The following TRMT5 variants were observed in gnomAD, a reference collection of about 807,000 sequenced individuals.
The protein encoded by TRMT5 is tRNA (guanine(37)-N(1))-methyltransferase.
A neutral mutation model predicts 42.2 loss-of-function variants in TRMT5; 31 were observed. The observed-to-expected ratio is 0.73, with a 90% CI of 0.55 to 0.99. The LOEUF (loss-of-function observed/expected upper bound fraction) is 0.99, where lower values mean the gene tolerates loss of function less well. Among genes scored for constraint, TRMT5 ranks in the 50% least tolerant of loss-of-function variants. TRMT5 has a pLI of 0.00. For synonymous variants in TRMT5, 198 were observed against 209.6 expected (o/e 0.94, Z 0.48); for missense variants, 568 against 595.0 (o/e 0.95, Z 0.47).
upstream of TRMT5, chr14:60,981,263 C>T: frequency 1.3e-6 from 2 of 1,588,124 alleles, no homozygotes; most frequent in Non-Finnish European, 1.7e-6. Flanking sequence ...AACTGGTAGT[C>T]AGCTGGAGAG....
Position 60,972,495 on chromosome 14 carries a change from C to T in TRMT5, c.*2614G>A, listed in dbSNP as rs1260002893. The T allele has an allele frequency of 8.5e-6, 4 of 472,700 alleles. No individual in the cohort carries two copies. The highest frequency in any genetic ancestry group is 1.7e-5 in the Non-Finnish European group (4 of 237,644). 29.3% of individuals were successfully genotyped at this position (472,700 alleles called of 1,614,324 possible). Reference sequence around the variant, plus strand: ...GGCGGCGGCGGCGGCGGGATGTGGGCACCGGGTGTGGGACGCAGCAGCGCG... The same window carrying T: ...GGCGGCGGCGGCGGCGGGATGTGGGTACCGGGTGTGGGACGCAGCAGCGCG... On this transcript the variant is annotated 3_prime_UTR_variant, in exon 5 of 5. Coordinates refer to ENST00000261249, the MANE Select transcript of TRMT5 (RefSeq NM_020810.3).
At chr14:60,977,719 G>C (rs2036865527) in intron 2 of TRMT5, 81 bp from the exon 3 acceptor site, 1 of 1,366,464 alleles carries the variant, frequency 7.3e-7, no homozygotes, top group Non-Finnish European at 9.8e-7. Context: ...AAACAGAAAT[G>C]AGTTGTATTT....
Position 60,977,651 on chromosome 14 carries a change from A to G in TRMT5, c.668-13T>C. ...ATCATAACCTGGCCTAAAAGAAAAA[A>G]TGAAAATCCATAATACTGCCTATTG... On this transcript the variant is annotated splice_polypyrimidine_tract_variant and intron_variant, in intron 2 of 4. Transcript: ENST00000261249. The G allele has an allele frequency of 6.3e-7, 1 of 1,588,032 alleles. No individual in the cohort carries two copies. Among genetic ancestry groups the G allele is most frequent in the Non-Finnish European group, 8.5e-7 (1 of 1,169,716 alleles).
chr14:60,972,303 C>T lies in TRMT5; in HGVS notation c.*2806G>A. The stretch of plus-strand genomic sequence containing the variant: ...GCCAGCATCAGCTTTTCTCTTTTTC[C>T]CTTTGGGTACCTTCTCTCCCTTCTT... On this transcript the variant is annotated 3_prime_UTR_variant, in exon 5 of 5. Coordinates refer to ENST00000261249, the MANE Select transcript of TRMT5 (RefSeq NM_020810.3). The T allele has an allele frequency of 1.9e-6, 1 of 538,064 alleles. No homozygotes were observed. The allele number at this position is 538,064 out of a possible 1,614,324, so 33.3% of individuals were successfully genotyped here.
Position 60,979,865 on chromosome 14 carries a change from T to G in TRMT5, c.33A>C (p.Gly11=), listed in dbSNP as rs1046074522. 1.9e-6 allele frequency: 3 copies of G among 1,571,498 alleles called. No individual in the cohort carries two copies. Among genetic ancestry groups the G allele is most frequent in the Non-Finnish European group, 2.6e-6 (3 of 1,162,000 alleles). The change falls in exon 2 of 5, where the codon GGA becomes GGC. Residue 11 remains glycine, a synonymous_variant. Coordinates refer to ENST00000261249, the MANE Select transcript of TRMT5 (RefSeq NM_020810.3). MVLWILWRPF[G]FSGRFLKLES... is the part of the protein sequence containing the mutation. ...CCAGTTTCAGAAATCTTCCTGAGAA[T>G]CCAAATGGCCTCCATAAGATCCTTA...
chr14:60,977,066 T>C (rs191430323), intron 3 of TRMT5, among the ~76,000 whole-genome samples: 4 of 152,260 alleles, frequency 2.6e-5, no homozygotes, highest in Admixed American at 2.0e-4. Context: ...CCATATCAGA[T>C]GCTTCCGGCC....
Sources: allele counts gnomAD v4.1 joint callset (sites outside exome capture counted in the v4.1 genomes callset), GRCh38; gene constraint gnomAD v4.1.1; transcripts MANE v1.5; gene names NCBI Gene and HGNC (gene_info 2026-07-23, HGNC 2026-07-21).